RNPEPL1: variants seen among roughly 807,000 people sequenced by gnomAD.
RNPEPL1 encodes aminopeptidase RNPEPL1.
In RNPEPL1, 46 loss-of-function variants were observed where a neutral mutation model predicts 69.0. That is an observed-to-expected ratio of 0.67 (90% CI 0.53 to 0.85). The LOEUF (loss-of-function observed/expected upper bound fraction) is 0.85. Ranked by LOEUF, RNPEPL1 falls within the 40% of genes least tolerant of loss-of-function variation. RNPEPL1 has a pLI of 0.00. For missense variants in RNPEPL1, 869 were observed against 992.5 expected (o/e 0.88, Z 1.67); for synonymous variants, 525 against 454.1 (o/e 1.16, Z -1.98).
chr2:240,573,923 C>T, intron 4 of RNPEPL1, 32 bp downstream of exon 4: 1 of 1,560,412 alleles, frequency 6.4e-7, no homozygotes, highest in Non-Finnish European at 8.7e-7. Flanking sequence ...ACCTGGCTGG[C>T]TGGAAGGAGG....
At position 240,577,692 on chromosome 2, in the gene RNPEPL1, C is replaced by A; in HGVS notation, c.1978C>A (p.Arg660=). The change falls in exon 11 of 11, where the codon CGG becomes AGG. Residue 660 remains arginine (R), a synonymous_variant. Coordinates refer to ENST00000270357, the MANE Select transcript of RNPEPL1 (RefSeq NM_018226.6). ...GGAGGTCTTCTACCAGACGCAGGGCCGGCTGCACCCCAACCTGCGCAGAGC... is the reference window on the plus strand; with the variant it reads ...GGAGGTCTTCTACCAGACGCAGGGCAGGCTGCACCCCAACCTGCGCAGAGC... ...ALEVFYQTQG[R]LHPNLRRAIQ... 6.2e-7 allele frequency: 1 copy of A among 1,612,706 alleles called. No individual in the cohort carries two copies. Among genetic ancestry groups the A allele is most frequent in the Non-Finnish European group, 8.5e-7 (1 of 1,179,700 alleles).
In RNPEPL1 at chr2:240,573,877, C is replaced by G. The variant is rs574682303; in HGVS notation, c.924C>G (p.Pro308=). 6.4e-7 allele frequency: 1 copy of G among 1,574,302 alleles called. No homozygotes were observed. Among genetic ancestry groups the G allele is most frequent in the African/African-American group, 1.4e-5 (1 of 74,004 alleles). Residue 308 remains proline (P), a synonymous_variant, in exon 4 of 11, where the codon CCC becomes CCG. Transcript: ENST00000270357. ...GTGCAGCTGAGCGGCTGTATGGGCC[C>G]TACATGTGGGGCAGGTAGGCCCCGG... ...WLSAAERLYG[P]YMWGRYDIVF... is the part of the protein sequence containing the mutation.
rs1247857429 is a variant in RNPEPL1 at position 240,578,410 on chromosome 2, A to T, written c.*518A>T. ...GGAACAAGGACACAGACATTCCCTC[A>T]GTGTGGGGGGCAGGGGACACAGGGA... On this transcript the variant is annotated 3_prime_UTR_variant, in exon 11 of 11. Transcript: ENST00000270357. The T allele has an allele frequency of 2.6e-5, 4 of 152,592 alleles. No homozygotes were observed. Among genetic ancestry groups the T allele is most frequent in the Non-Finnish European group, 2.9e-5 (2 of 68,324 alleles). The allele number at this position is 152,592 out of a possible 1,614,324, so 9.5% of individuals were successfully genotyped here. A position where few individuals can be genotyped will look rare whatever the true frequency, so the allele number is the denominator to read the frequency against.
In RNPEPL1 at chr2:240,572,415, G is replaced by A. The variant is rs1402540444; in HGVS notation, c.529-8G>A. The A allele has an allele frequency of 6.5e-7, 1 of 1,535,952 alleles. No homozygotes were observed. Among genetic ancestry groups the A allele is most frequent in the African/African-American group, 1.4e-5 (1 of 73,182 alleles). On this transcript the variant is annotated splice_polypyrimidine_tract_variant and splice_region_variant and intron_variant, in intron 1 of 10. Transcript: ENST00000270357. ...TGGCCGTCTGCTGATGGGCCATCCT[G>A]CCCACAGATCTGGTGGCTGGACCCA...
Position 240,575,136 on chromosome 2 carries a change from T to A in RNPEPL1, c.1395T>A (p.Phe465Leu), listed in dbSNP as rs1383264860. 2.5e-6 allele frequency: 4 copies of A among 1,611,732 alleles called. No individual in the cohort carries two copies. Among genetic ancestry groups the A allele is most frequent in the African/African-American group, 2.7e-5 (2 of 74,892 alleles). ...LCGDPQRFDD[F>L]LRAYVEKYKF... ...GAGACCCACAGCGCTTTGATGACTTTCTCCGAGTGAGCAGCCCCCTGCCCG... is the reference window on the plus strand; with the variant it reads ...GAGACCCACAGCGCTTTGATGACTTACTCCGAGTGAGCAGCCCCCTGCCCG... Residue 465 changes from phenylalanine (F) to leucine (L), a missense_variant, in exon 7 of 11, where the codon TTT becomes TTA. Coordinates refer to ENST00000270357, the MANE Select transcript of RNPEPL1 (RefSeq NM_018226.6).
At chr2:240,572,707 C>A in intron 2 of RNPEPL1, 144 bp downstream of exon 2, 1 of 1,097,832 alleles carries the variant, frequency 9.1e-7, no homozygotes, top group Non-Finnish European at 1.3e-6. Flanking sequence ...ACCCTCCCTA[C>A]TCTATGGGAG....
intron 2 of RNPEPL1, among the ~76,000 whole-genome samples, chr2:240,572,895 A>C (rs1033437346): frequency 3.9e-5 from 6 of 152,210 alleles, no homozygotes; most frequent in African/African-American, 1.4e-4. Context: ...ACTTGGCAGC[A>C]CCCTCTGTGC....
At chr2:240,576,468 G>C in intron 8 of RNPEPL1, 67 bp from the exon 9 acceptor site, 1 of 1,450,602 alleles carries the variant, frequency 6.9e-7, no homozygotes, top group Admixed American at 2.0e-5. Context: ...GGGGTCTCCT[G>C]GGCAGATTGC....
chr2:240,572,217 C>T (rs2093023697), intron 1 of RNPEPL1, among the ~76,000 whole-genome samples: 1 of 152,242 alleles, frequency 6.6e-6, no homozygotes, highest in African/African-American at 2.4e-5. Flanking sequence ...GTGCAGGCCA[C>T]ACCCTGGGTC....
chr2:240,574,948 C>G, intron 6 of RNPEPL1, 82 bp from the exon 7 acceptor site: 1 of 1,065,760 alleles, frequency 9.4e-7, no homozygotes, highest in East Asian at 2.4e-5. Context: ...TGCTGCTCCT[C>G]GGAGCCTGAC....
rs201617000 is a variant in RNPEPL1 at position 240,573,117 on chromosome 2, C to T, written c.677C>T (p.Ser226Leu). Residue 226 changes from serine (S) to leucine (L), a missense_variant, in exon 3 of 11, where the codon TCG becomes TTG. Ser to Leu is a moderately radical substitution (Grantham distance 145, BLOSUM62 -2). Around this residue, in one of 2 missense-constraint regions of RNPEPL1, gnomAD observed 610 missense variants for 790.9 expected, o/e 0.77. Transcript: ENST00000270357. ...AGTCCGGCCTCCTTACAGGCGCCATCGGGGGTGCAGGTGCTGATGAGTGCC... is the reference window on the plus strand; with the variant it reads ...AGTCCGGCCTCCTTACAGGCGCCATTGGGGGTGCAGGTGCTGATGAGTGCC... ...CTYSAVVKAP[S>L]GVQVLMSATR... 252 of 1,605,322 alleles carry T rather than the reference C, an allele frequency of 1.6e-4. No homozygotes were observed. Among genetic ancestry groups the T allele is most frequent in the South Asian group, 1.1e-3 (95 of 89,742 alleles).
rs35777677 is a variant in RNPEPL1, at chr2:240,573,832, C to T, written c.879C>T (p.Gly293=). Residue 293 remains glycine, a synonymous_variant, in exon 4 of 11, where the codon GGC becomes GGT. Coordinates refer to ENST00000270357, the MANE Select transcript of RNPEPL1 (RefSeq NM_018226.6). ...LLPTATSKLS[G]AVEQWLSAAE... ...CCACGGCCACCAGCAAGCTGTCGGGCGCAGTGGAGCAGTGGCTGAGTGCAG... is the reference window on the plus strand; with the variant it reads ...CCACGGCCACCAGCAAGCTGTCGGGTGCAGTGGAGCAGTGGCTGAGTGCAG... 2,115 of 1,554,560 alleles carry T rather than the reference C, an allele frequency of 1.4e-3. 27 individuals carry two copies. The African/African-American group carries it at 0.026, about 19-fold the overall frequency.
chr2:240,576,517 G>A lies in RNPEPL1; in HGVS notation c.1511-18G>A. The A allele has an allele frequency of 2.5e-6, 4 of 1,598,644 alleles. No homozygotes were observed. Among genetic ancestry groups the A allele is most frequent in the Non-Finnish European group, 3.4e-6 (4 of 1,172,458 alleles). On this transcript the variant is annotated intron_variant, in intron 8 of 10. Transcript: ENST00000270357. ...TCCTAGCCTGGGCAGGGACCCCAGG[G>A]TCACTTCTCCCCTCTAGGGCTGGAA...
At chr2:240,571,727 C>T (rs2093022105) in intron 1 of RNPEPL1, among the ~76,000 whole-genome samples, 1 of 151,770 alleles carries the variant, frequency 6.6e-6, no homozygotes, top group African/African-American at 2.4e-5. Flanking sequence ...GTAGCAGCTG[C>T]TGTGAGCGCA....
rs750167705 is a variant in RNPEPL1 at position 240,577,848 on chromosome 2, C to T, written c.2134C>T (p.Pro712Ser). The change falls in exon 11 of 11, where the codon CCC becomes TCC. Residue 712 changes from proline to serine, a missense_variant. Physicochemically the swap from Pro to Ser is moderately conservative, Grantham distance 74 (BLOSUM62 -1). Around this residue, in one of 2 missense-constraint regions of RNPEPL1, gnomAD observed 610 missense variants for 790.9 expected, o/e 0.77. Coordinates refer to ENST00000270357, the MANE Select transcript of RNPEPL1 (RefSeq NM_018226.6). ...AQALLLGDEA[P>S]SSAISLRDVN... ...GGCCCTGCTGCTTGGGGACGAGGCC[C>T]CCAGCAGTGCCATCTCTCTCAGGGA... 1.3e-6 allele frequency: 2 copies of T among 1,584,680 alleles called. No individual in the cohort carries two copies. The highest frequency in any genetic ancestry group is 2.2e-5 in the South Asian group (2 of 89,478).
rs557499305 is a variant in RNPEPL1, at chr2:240,569,778, C to T, written c.528+664C>T. 3.3e-5 allele frequency among the ~76,000 whole-genome samples: 5 copies of T among 152,326 alleles called. No individual in the cohort carries two copies. The South Asian group carries it at 8.3e-4, about 25-fold the overall frequency. ...ACAGCATGGGGGTTCATACTGCATC[C>T]CTAGGTGGTATGGACGGCACACATG... On this transcript the variant is annotated intron_variant, in intron 1 of 10. Coordinates refer to ENST00000270357, the MANE Select transcript of RNPEPL1 (RefSeq NM_018226.6).
At chr2:240,573,018 T>C in intron 2 of RNPEPL1, 92 bp from the exon 3 acceptor site, 2 of 1,397,070 alleles carry the variant, frequency 1.4e-6, no homozygotes, top group Non-Finnish European at 1.9e-6. Flanking sequence ...GGTTTCCTGC[T>C]ACGAATATGG....
At chr2:240,572,806 G>A (rs983178528) in intron 2 of RNPEPL1, among the ~76,000 whole-genome samples, 3 of 152,216 alleles carry the variant, frequency 2.0e-5, no homozygotes. Context: ...GTCCCCAGTG[G>A]CACTGCAGGG....
chr2:240,568,880 C>A lies in RNPEPL1; in HGVS notation c.294C>A (p.Ala98=). 1 of 1,243,330 alleles carries A rather than the reference C, an allele frequency of 8.0e-7. No individual in the cohort carries two copies. Among genetic ancestry groups the A allele is most frequent in the Non-Finnish European group, 1.0e-6 (1 of 989,626 alleles). The allele number at this position is 1,243,330 out of a possible 1,614,324, so 77.0% of individuals were successfully genotyped here. Residue 98 remains alanine, a synonymous_variant, in exon 1 of 11, where the codon GCC becomes GCA. Coordinates refer to ENST00000270357, the MANE Select transcript of RNPEPL1 (RefSeq NM_018226.6). The surrounding 1 kb of genome is among the most constrained non-coding windows in gnomAD (Gnocchi z 6.2). Reference sequence around the variant, plus strand: ...TCCGTCGCGCCCCCGCCGCCGCCGCCGAGACGCCCTGCGCCTTCGCCTTCT... The same window carrying A: ...TCCGTCGCGCCCCCGCCGCCGCCGCAGAGACGCCCTGCGCCTTCGCCTTCT... ...AAFRRAPAAA[A]ETPCAFAFSA... is the part of the protein sequence containing the mutation.
Sources: gnomAD v4.1 joint callset for allele counts (sites outside exome capture counted in the v4.1 genomes callset) on GRCh38, gnomAD v4.1.1 for gene constraint, gnomAD v4.1.1 regional missense constraint, Gnocchi (gnomAD v3.1) non-coding constraint, MANE v1.5 for transcripts, NCBI Gene and HGNC (gene_info 2026-07-23, HGNC 2026-07-21) for gene names.